NUP153: variants seen among roughly 807,000 people sequenced by gnomAD.
NUP153 encodes nucleoporin 153, also known as nuclear pore complex protein Nup153.
In NUP153, 27 loss-of-function variants were observed where a neutral mutation model predicts 134.6. That is an observed-to-expected ratio of 0.20 (90% CI 0.15 to 0.28). The LOEUF is 0.28. Among genes scored for constraint, NUP153 ranks in the 10% least tolerant of loss-of-function variants. The pLI, the probability that NUP153 is intolerant of heterozygous loss-of-function variation, is 1.00. For synonymous variants in NUP153, 640 were observed against 623.5 expected (o/e 1.03, Z -0.40); for missense variants, 1,821 against 1,731.3 (o/e 1.05, Z -0.92).
In NUP153 at chr6:17,638,333, G is replaced by A. The variant is rs1039001193; in HGVS notation, c.1847-563C>T. 1.3e-5 allele frequency among the ~76,000 whole-genome samples: 2 copies of A among 152,188 alleles called. No individual in the cohort carries two copies. The highest frequency in any genetic ancestry group is 4.8e-5 in the African/African-American group (2 of 41,454). ...TATTTTACTCATGAGAATGACTTTT[G>A]TAATTGTTTACTTAGGACCAGTTAA... On this transcript the variant is annotated intron_variant, in intron 15 of 21. Coordinates refer to ENST00000262077, the MANE Select transcript of NUP153 (RefSeq NM_005124.4). This position sits in a 1 kb window ranked among gnomAD's most constrained non-coding sequence, Gnocchi z 4.0.
chr6:17,652,287 T>C (rs1766543508), intron 11 of NUP153, among the ~76,000 whole-genome samples: 3 of 152,136 alleles, frequency 2.0e-5, no homozygotes, highest in Admixed American at 6.6e-5. Flanking sequence ...CAGTGAACTA[T>C]AAAACAAGTC....
intron 20 of NUP153, among the ~76,000 whole-genome samples, chr6:17,618,884 G>A (rs1174489765): frequency 6.6e-6 from 1 of 152,142 alleles, no homozygotes; most frequent in African/African-American, 2.4e-5. Context: ...AATCTCAACA[G>A]AATGGTAATG....
chr6:17,690,869 G>A (rs943394421), intron 1 of NUP153, among the ~76,000 whole-genome samples: 1 of 152,170 alleles, frequency 6.6e-6, no homozygotes, highest in Admixed American at 6.5e-5. Flanking sequence ...GCCGGGCGTG[G>A]TGGCTCACGC....
At chr6:17,631,448 C>A (rs774368242) in intron 17 of NUP153, among the ~76,000 whole-genome samples, 9 of 152,186 alleles carry the variant, frequency 5.9e-5, no homozygotes, top group Non-Finnish European at 1.3e-4. Flanking sequence ...TTAGTATATT[C>A]ATCACCCAAA....
chr6:17,620,192 G>C (rs1237303360), intron 20 of NUP153, among the ~76,000 whole-genome samples: 1 of 149,906 alleles, frequency 6.7e-6, no homozygotes, highest in East Asian at 1.9e-4. Flanking sequence ...AAGCAATCCT[G>C]AGCAAAAAGA....
intron 11 of NUP153, among the ~76,000 whole-genome samples, chr6:17,652,841 T>C (rs1766583878): frequency 6.6e-6 from 1 of 151,678 alleles, no homozygotes; most frequent in African/African-American, 2.4e-5. Context: ...CTGACCAACA[T>C]GGTGAAACCC....
chr6:17,703,428 A>G (rs980220174), intron 1 of NUP153, among the ~76,000 whole-genome samples: 1 of 151,996 alleles, frequency 6.6e-6, no homozygotes, highest in Non-Finnish European at 1.5e-5. Flanking sequence ...TCTTACTCCA[A>G]CTTTCTGCTA....
chr6:17,701,197 C>T (rs973917407), intron 1 of NUP153, among the ~76,000 whole-genome samples: 9 of 150,824 alleles, frequency 6.0e-5, no homozygotes, highest in Non-Finnish European at 1.3e-4. Flanking sequence ...TGCACTCCAG[C>T]CTGGGCAACA....
In NUP153 at chr6:17,644,031, G is replaced by A. The variant is rs115381017; in HGVS notation, c.1720+2036C>T. On this transcript the variant is annotated intron_variant, in intron 14 of 21. Transcript: ENST00000262077. Reference sequence around the variant, plus strand: ...GAAATTCCTTATTAATTTCTATTACGTAAGGCTGTGTTAGCCAATTAAAAA... The same window carrying A: ...GAAATTCCTTATTAATTTCTATTACATAAGGCTGTGTTAGCCAATTAAAAA... Among the ~76,000 whole-genome samples the A allele has an allele frequency of 5.9e-3, 887 of 151,566 alleles. 4 individuals carry two copies. The highest frequency in any genetic ancestry group is 9.3e-3 in the Non-Finnish European group (628 of 67,882).
At chr6:17,700,127 T>C (rs568406927) in intron 1 of NUP153, among the ~76,000 whole-genome samples, 1 of 152,102 alleles carries the variant, frequency 6.6e-6, no homozygotes, top group South Asian at 2.1e-4. Context: ...TCAGAGACAA[T>C]ATGAAGACCC....
chr6:17,630,721 G>C (rs895327033), intron 17 of NUP153, among the ~76,000 whole-genome samples: 1 of 146,426 alleles, frequency 6.8e-6, no homozygotes, highest in Non-Finnish European at 1.5e-5. Context: ...AGAGGGGAGG[G>C]GAGACAAGAG....
Position 17,637,617 on chromosome 6 carries a change from C to T in NUP153, c.2000G>A (p.Cys667Tyr), listed in dbSNP as rs1212578746. The T allele has an allele frequency of 6.2e-7, 1 of 1,614,070 alleles. No individual in the cohort carries two copies. Among genetic ancestry groups the T allele is most frequent in the Non-Finnish European group, 8.5e-7 (1 of 1,180,002 alleles). The part of the protein sequence containing the change: ...KAGSSWQCDT[C>Y]LLQNKVTDNK... ...GTCTGTAACTTTGTTCTGGAGTAGACATGTATCACACTGCCATGATGACCC... is the reference window on the plus strand; with the variant it reads ...GTCTGTAACTTTGTTCTGGAGTAGATATGTATCACACTGCCATGATGACCC... Residue 667 changes from cysteine (C) to tyrosine (Y), a missense_variant, in exon 16 of 22, where the codon TGT (cysteine) becomes TAT (tyrosine). Cys to Tyr is a radical substitution (Grantham distance 194). Transcript: ENST00000262077.
chr6:17,641,838 C>A (rs535335783), intron 14 of NUP153, among the ~76,000 whole-genome samples: 2 of 5,392 alleles, frequency 3.7e-4, no homozygotes, highest in Non-Finnish European at 7.6e-3. Flanking sequence ...GGAGACAGAG[C>A]GAGACTGTCT....
chr6:17,659,306 T>C (rs969023091), intron 11 of NUP153, among the ~76,000 whole-genome samples: 1 of 152,222 alleles, frequency 6.6e-6, no homozygotes, highest in African/African-American at 2.4e-5. Flanking sequence ...TTATTTCTCG[T>C]TGGCAAAAAT....
At chr6:17,643,275 C>A (rs1765949831) in intron 14 of NUP153, among the ~76,000 whole-genome samples, 1 of 152,214 alleles carries the variant, frequency 6.6e-6, no homozygotes, top group African/African-American at 2.4e-5. Flanking sequence ...GAGTTCAAGA[C>A]CAGCCTGGCA....
chr6:17,669,225 T>G, intron 7 of NUP153, 68 bp downstream of exon 7: 2 of 1,348,242 alleles, frequency 1.5e-6, no homozygotes, highest in South Asian at 1.2e-5. Context: ...ACTACAGGTG[T>G]GCACCACCAC....
At chr6:17,694,111 T>C (rs1184300347) in intron 1 of NUP153, among the ~76,000 whole-genome samples, 4 of 152,258 alleles carry the variant, frequency 2.6e-5, no homozygotes, top group Non-Finnish European at 5.9e-5. Context: ...TTACATATTA[T>C]GTTTACTTGT....
chr6:17,635,054 A>G (rs1266202602), intron 16 of NUP153, among the ~76,000 whole-genome samples: 1 of 150,992 alleles, frequency 6.6e-6, no homozygotes, highest in Non-Finnish European at 1.5e-5. Flanking sequence ...AGCCTCATTC[A>G]TAGCCATCCT....
chr6:17,617,985 T>C (rs892125356), intron 20 of NUP153, among the ~76,000 whole-genome samples: 1 of 152,182 alleles, frequency 6.6e-6, no homozygotes, highest in Non-Finnish European at 1.5e-5. Flanking sequence ...GAATATCATT[T>C]TGAAAACAGG....
Sources: gnomAD v4.1 joint callset for allele counts (sites outside exome capture counted in the v4.1 genomes callset) on GRCh38, gnomAD v4.1.1 for gene constraint, Gnocchi (gnomAD v3.1) non-coding constraint, MANE v1.5 for transcripts, NCBI Gene and HGNC (gene_info 2026-07-23, HGNC 2026-07-21) for gene names.